IL1RAP: variants seen among roughly 807,000 people sequenced by gnomAD.
The protein encoded by IL1RAP is interleukin-1 receptor accessory protein.
In IL1RAP, 35 loss-of-function variants were observed where a neutral mutation model predicts 60.7. That is an observed-to-expected ratio of 0.58 (90% confidence interval 0.44 to 0.76). IL1RAP has a LOEUF of 0.76. Ranked by LOEUF, IL1RAP falls within the 30% of genes least tolerant of loss-of-function variation. The probability of loss-of-function intolerance (pLI) is 0.00; values close to 1 mark genes in which losing one functional copy is unlikely to be tolerated. For missense variants in IL1RAP, 572 were observed against 693.9 expected, an observed-to-expected ratio of 0.82 and a Z score of 1.97; for synonymous variants, 268 against 250.9, an observed-to-expected ratio of 1.07 and a Z score of -0.64.
At position 190,568,608 on chromosome 3, in the gene IL1RAP, G is replaced by T. The variant is rs73886482; in HGVS notation, c.64+4255G>T. On this transcript the variant is annotated intron_variant, in intron 3 of 11. Coordinates refer to ENST00000447382, the MANE Select transcript of IL1RAP (RefSeq NM_002182.4). ...AGATTCAAGTTCTGTTTTACTCTGT[G>T]ACTTGTTTGATGACAGTAAAGGGGT... Among the ~76,000 whole-genome samples, 972 of 152,264 alleles carry T rather than the reference G, an allele frequency of 6.4e-3. 7 individuals carry two copies. Among genetic ancestry groups the T allele is most frequent in the African/African-American group, 0.022 (926 of 41,554 alleles).
At chr3:190,520,913 G>C (rs1018057007) in intron 1 of IL1RAP, among the ~76,000 whole-genome samples, 1 of 152,292 alleles carries the variant, frequency 6.6e-6, no homozygotes, top group East Asian at 1.9e-4. Flanking sequence ...ATGGTTAGAT[G>C]CTATGGCAAC....
intron 4 of IL1RAP, among the ~76,000 whole-genome samples, chr3:190,605,455 C>T (rs1560207193): frequency 6.6e-6 from 1 of 152,188 alleles, no homozygotes; most frequent in Admixed American, 6.5e-5. Flanking sequence ...CACTTTTTAG[C>T]TGCCAGGCTT....
At chr3:190,616,549 A>T (rs1369048310) in intron 5 of IL1RAP, among the ~76,000 whole-genome samples, 1 of 152,060 alleles carries the variant, frequency 6.6e-6, no homozygotes, top group East Asian at 1.9e-4. Flanking sequence ...TGACTAGTTT[A>T]TCTAACTCTT....
At chr3:190,570,016 C>T (rs750706872) in intron 3 of IL1RAP, among the ~76,000 whole-genome samples, 1 of 152,314 alleles carries the variant, frequency 6.6e-6, no homozygotes, top group African/African-American at 2.4e-5. Context: ...TTTCTACCCA[C>T]TTTTCTTTCA....
intron 2 of IL1RAP, among the ~76,000 whole-genome samples, chr3:190,562,029 T>C (rs1334268135): frequency 6.6e-6 from 1 of 152,208 alleles, no homozygotes; most frequent in Non-Finnish European, 1.5e-5. Flanking sequence ...ATTTAAGGCT[T>C]TGCCATATTA....
chr3:190,632,006 T>C (rs1317473396), intron 9 of IL1RAP, among the ~76,000 whole-genome samples: 1 of 152,010 alleles, frequency 6.6e-6, no homozygotes, highest in Admixed American at 6.6e-5. Flanking sequence ...TTTCACCATG[T>C]TGGCCAGGCT....
At chr3:190,543,853 T>A (rs1724148849) in intron 1 of IL1RAP, among the ~76,000 whole-genome samples, 1 of 152,162 alleles carries the variant, frequency 6.6e-6, no homozygotes. Context: ...CACTAGGATA[T>A]GATGTGTGAG....
rs770206673 is a variant in IL1RAP at position 190,649,183 on chromosome 3, CT to C, written c.*484del. On this transcript the variant is annotated 3_prime_UTR_variant, in exon 12 of 12. Transcript: ENST00000447382. Reference sequence around the variant, plus strand: ...CTACATTTTAGCTGAGGATAATGAACTTTTTTCCTCATTCGGCTGTATAATA... The same window carrying C: ...CTACATTTTAGCTGAGGATAATGAACTTTTTCCTCATTCGGCTGTATAATA... 50 of 987,110 alleles carry C rather than the reference CT, an allele frequency of 5.1e-5. No individual in the cohort carries two copies. The highest frequency in any genetic ancestry group is 5.2e-4 in the Middle Eastern group (1 of 1,936). 61.1% of individuals were successfully genotyped at this position (987,110 alleles called of 1,614,324 possible). A position where few individuals can be genotyped will look rare whatever the true frequency, so the allele number is the denominator to read the frequency against.
Position 190,540,920 on chromosome 3 carries a change from T to C in IL1RAP, c.-88-15210T>C, listed in dbSNP as rs111242166. Among the ~76,000 whole-genome samples, 445 of 152,230 alleles carry C rather than the reference T, an allele frequency of 2.9e-3. 3 individuals are homozygous for C. Among genetic ancestry groups the C allele is most frequent in the African/African-American group, 0.01 (436 of 41,542 alleles). Reference sequence around the variant, plus strand: ...TGTTTTCAAGATAAACAATAACTTGTCCTCAAGTAAGCTTGACAGCACCAT... The same window carrying C: ...TGTTTTCAAGATAAACAATAACTTGCCCTCAAGTAAGCTTGACAGCACCAT... On this transcript the variant is annotated intron_variant, in intron 1 of 11. Transcript: ENST00000447382.
chr3:190,569,357 G>C (rs1289839640), intron 3 of IL1RAP, among the ~76,000 whole-genome samples: 1 of 152,084 alleles, frequency 6.6e-6, no homozygotes, highest in Non-Finnish European at 1.5e-5. Context: ...GAATATCCTT[G>C]CTTTAATAAC....
chr3:190,530,879 G>T (rs979347747), intron 1 of IL1RAP, among the ~76,000 whole-genome samples: 15 of 152,106 alleles, frequency 9.9e-5, no homozygotes, highest in Admixed American at 6.6e-5. Context: ...GCTCTGCAAG[G>T]TCAGTTTTAT....
chr3:190,551,951 A>G (rs1724903039), intron 1 of IL1RAP, among the ~76,000 whole-genome samples: 1 of 152,228 alleles, frequency 6.6e-6, no homozygotes, highest in African/African-American at 2.4e-5. Flanking sequence ...ATATATTAGC[A>G]TTATTCACCA....
chr3:190,619,839 G>C (rs1317121819), intron 5 of IL1RAP, among the ~76,000 whole-genome samples: 1 of 152,106 alleles, frequency 6.6e-6, no homozygotes, highest in Admixed American at 6.6e-5. Context: ...TTGGGGCCTA[G>C]ATTATCAGAC....
chr3:190,615,993 T>C (rs1231171061), intron 5 of IL1RAP, among the ~76,000 whole-genome samples: 2 of 152,178 alleles, frequency 1.3e-5, no homozygotes, highest in Non-Finnish European at 2.9e-5. Context: ...TTTTCAACCT[T>C]TAGTGTGAGA....
intron 1 of IL1RAP, among the ~76,000 whole-genome samples, chr3:190,523,169 T>G (rs1722232522): frequency 1.3e-5 from 2 of 152,136 alleles, no homozygotes; most frequent in Admixed American, 1.3e-4. Flanking sequence ...CTTAAAGTCT[T>G]TTTCAATATC....
rs772240657 is a variant in IL1RAP, at chr3:190,623,454, C to G, written c.775+39C>G. ...TGTCTCTGAATTTCACTTAGATTCT[C>G]TTAATTACAAGGAATAAAATGTCAT... On this transcript the variant is annotated intron_variant, in intron 7 of 11. Coordinates refer to ENST00000447382, the MANE Select transcript of IL1RAP (RefSeq NM_002182.4). The G allele has an allele frequency of 3.0e-6, 4 of 1,327,038 alleles. No homozygotes were observed. In the African/African-American group the frequency reaches 5.8e-5, roughly 19 times the overall value. The allele number at this position is 1,327,038 out of a possible 1,614,324, so 82.2% of individuals were successfully genotyped here.
At chr3:190,525,853 G>A (rs1722468800) in intron 1 of IL1RAP, among the ~76,000 whole-genome samples, 1 of 152,164 alleles carries the variant, frequency 6.6e-6, no homozygotes. Context: ...AATTCAGCTG[G>A]AAATTTTACA....
intron 1 of IL1RAP, among the ~76,000 whole-genome samples, chr3:190,545,456 G>T (rs948850931): frequency 1.3e-5 from 2 of 152,144 alleles, no homozygotes; most frequent in African/African-American, 4.8e-5. Context: ...GCCACAGCAG[G>T]CATTCGCATC....
intron 10 of IL1RAP, 54 bp downstream of exon 10, chr3:190,644,451 T>A (rs888595987): frequency 1.5e-6 from 2 of 1,349,148 alleles, no homozygotes; most frequent in South Asian, 1.3e-5. Flanking sequence ...TTAGAACATA[T>A]GTTGTAAAAA....
Sources: allele counts gnomAD v4.1 joint callset (sites outside exome capture counted in the v4.1 genomes callset), GRCh38; gene constraint gnomAD v4.1.1; transcripts MANE v1.5; gene names NCBI Gene and HGNC (gene_info 2026-07-23, HGNC 2026-07-21).